The following CIB4 variants were observed in gnomAD, a reference collection of about 807,000 sequenced individuals.
CIB4 encodes the protein calcium and integrin binding family member 4.
Under a neutral mutation model 25.8 loss-of-function variants are expected in CIB4, and 25 were observed. That is an observed-to-expected ratio of 0.97 (90% CI 0.71 to 1.35). The LOEUF (loss-of-function observed/expected upper bound fraction) is 1.35. Ranked by LOEUF, CIB4 falls within the 40% of genes most tolerant of loss-of-function variation. The pLI, the probability that CIB4 is intolerant of heterozygous loss-of-function variation, is 0.00. For synonymous variants in CIB4, 75 were observed against 81.4 expected (o/e 0.92, Z 0.42); for missense variants, 235 against 228.2 (o/e 1.03, Z -0.19).
At chr2:26,592,816 C>T (rs1196677118) in intron 4 of CIB4, among the ~76,000 whole-genome samples, 2 of 152,080 alleles carry the variant, frequency 1.3e-5, no homozygotes, top group African/African-American at 4.8e-5. Context: ...CTTATAGTTT[C>T]TACTTCTTTG....
At chr2:26,615,306 G>A (rs1669071353) in intron 3 of CIB4, among the ~76,000 whole-genome samples, 1 of 152,190 alleles carries the variant, frequency 6.6e-6, no homozygotes, top group Admixed American at 6.5e-5. Flanking sequence ...ACAAACTGCA[G>A]CCAGGTGAGC....
intron 3 of CIB4, among the ~76,000 whole-genome samples, chr2:26,619,311 A>C (rs1232347067): frequency 1.3e-5 from 2 of 152,130 alleles, no homozygotes; most frequent in African/African-American, 4.8e-5. Flanking sequence ...TGGAGACCGG[A>C]AGGAGGGCAG....
intron 1 of CIB4, among the ~76,000 whole-genome samples, chr2:26,640,777 G>A (rs975529054): frequency 6.6e-6 from 1 of 152,232 alleles, no homozygotes; most frequent in Non-Finnish European, 1.5e-5. Context: ...GCCCTGGGAA[G>A]GAGGGCATTG....
At chr2:26,590,561 C>T (rs1231388444) in intron 4 of CIB4, among the ~76,000 whole-genome samples, 1 of 152,154 alleles carries the variant, frequency 6.6e-6, no homozygotes, top group African/African-American at 2.4e-5. Flanking sequence ...TCTCCTTTCC[C>T]TTTCTGTCTC....
chr2:26,640,560 G>A lies in CIB4; in HGVS notation c.62C>T (p.Thr21Ile), dbSNP rs1293483434. Reference sequence around the variant, plus strand: ...CAGAATTTCATTTCTGGTCAGGAAGGTCAGGGCCTGCAACAAATCACAGAG... The same window carrying A: ...CAGAATTTCATTTCTGGTCAGGAAGATCAGGGCCTGCAACAAATCACAGAG... The part of the protein sequence containing the change: ...WEDLEEYQAL[T>I]FLTRNEILCI... Residue 21 changes from threonine to isoleucine, a missense_variant, in exon 2 of 7, where the codon ACC becomes ATC. Coordinates refer to ENST00000288861, the MANE Select transcript of CIB4 (RefSeq NM_001029881.3). The A allele has an allele frequency of 1.2e-6, 2 of 1,613,002 alleles. No homozygotes were observed. Among genetic ancestry groups the A allele is most frequent in the East Asian group, 2.2e-5 (1 of 44,734 alleles).
chr2:26,609,333 G>A (rs1173766825), intron 3 of CIB4, among the ~76,000 whole-genome samples: 1 of 152,060 alleles, frequency 6.6e-6, no homozygotes, highest in Non-Finnish European at 1.5e-5. Flanking sequence ...GGCAGCAGCG[G>A]ATGCAAATGC....
intron 2 of CIB4, among the ~76,000 whole-genome samples, chr2:26,638,007 C>A (rs1335923323): frequency 6.6e-6 from 1 of 152,196 alleles, no homozygotes; most frequent in African/African-American, 2.4e-5. Flanking sequence ...AACCCCACCA[C>A]CCCCAGCGCT....
At chr2:26,608,525 T>A (rs1001942767) in intron 3 of CIB4, among the ~76,000 whole-genome samples, 1 of 152,136 alleles carries the variant, frequency 6.6e-6, no homozygotes, top group Non-Finnish European at 1.5e-5. Flanking sequence ...ATCCTTAGAC[T>A]ACATCCACTA....
intron 3 of CIB4, among the ~76,000 whole-genome samples, chr2:26,596,423 G>A (rs1668683520): frequency 6.6e-6 from 1 of 152,140 alleles, no homozygotes; most frequent in South Asian, 2.1e-4. Context: ...GCATTGAAAT[G>A]GTTCTTTTTT....
At chr2:26,584,073 C>A (rs565225314) in intron 4 of CIB4, among the ~76,000 whole-genome samples, 175 bp from the exon 5 acceptor site, 1 of 152,178 alleles carries the variant, frequency 6.6e-6, no homozygotes, top group Non-Finnish European at 1.5e-5. Context: ...TGCTAAATAA[C>A]CCGTCGGAAA....
intron 6 of CIB4, among the ~76,000 whole-genome samples, 189 bp downstream of exon 6, chr2:26,582,636 A>C (rs1668369154): frequency 6.6e-6 from 1 of 152,150 alleles, no homozygotes; most frequent in Admixed American, 6.5e-5. Context: ...TCTGCCTTTT[A>C]ATACCCCAGG....
chr2:26,631,087 C>A (rs1000312129), intron 2 of CIB4, among the ~76,000 whole-genome samples: 1 of 152,136 alleles, frequency 6.6e-6, no homozygotes, highest in African/African-American at 2.4e-5. Flanking sequence ...AGTCTGTATG[C>A]AGGAGTGAGT....
intron 3 of CIB4, among the ~76,000 whole-genome samples, chr2:26,611,239 G>A (rs1236147778): frequency 6.6e-6 from 1 of 152,248 alleles, no homozygotes; most frequent in Non-Finnish European, 1.5e-5. Context: ...TCGGGCTGCA[G>A]GGCCAGCACT....
intron 3 of CIB4, among the ~76,000 whole-genome samples, chr2:26,617,147 T>TGTGTGTGTGTGTGTGTGTGTGCGC (rs10665609): frequency 2.6e-4 from 39 of 150,412 alleles, no homozygotes; most frequent in African/African-American, 9.3e-4. Flanking sequence ...TGTGTGTGTG[T>TGTGTGTGTGTGTGTGTGTGTGCGC]GCACGTGAGC....
At chr2:26,586,562 A>C (rs1400594035) in intron 4 of CIB4, among the ~76,000 whole-genome samples, 1 of 152,200 alleles carries the variant, frequency 6.6e-6, no homozygotes. Context: ...GCTCACTGCT[A>C]TATCCCAAGT....
At chr2:26,637,747 C>T (rs1669560691) in intron 2 of CIB4, among the ~76,000 whole-genome samples, 1 of 152,172 alleles carries the variant, frequency 6.6e-6, no homozygotes, top group South Asian at 2.1e-4. Context: ...CTCTTCCACT[C>T]TTCAAAGCTC....
chr2:26,596,005 C>T (rs1558558750), intron 3 of CIB4, among the ~76,000 whole-genome samples: 1 of 152,184 alleles, frequency 6.6e-6, no homozygotes, highest in South Asian at 2.1e-4. Flanking sequence ...ACCTATGACA[C>T]AACATGTGAG....
chr2:26,618,363 G>T (rs1669134888), intron 3 of CIB4, among the ~76,000 whole-genome samples: 1 of 152,166 alleles, frequency 6.6e-6, no homozygotes, highest in South Asian at 2.1e-4. Flanking sequence ...ATGGCTCACT[G>T]CAGCCTCAAC....
intron 3 of CIB4, among the ~76,000 whole-genome samples, chr2:26,612,533 C>T (rs1669014662): frequency 1.3e-5 from 2 of 152,134 alleles, no homozygotes; most frequent in African/African-American, 4.8e-5. Flanking sequence ...CCTCCCCTCC[C>T]AGGGTCCCTG....
Sources: gnomAD v4.1 joint callset for allele counts (sites outside exome capture counted in the v4.1 genomes callset) on GRCh38, gnomAD v4.1.1 for gene constraint, MANE v1.5 for transcripts, NCBI Gene and HGNC (gene_info 2026-07-23, HGNC 2026-07-21) for gene names.